The following DZIP1 variants were observed in gnomAD, a reference collection of about 807,000 sequenced individuals.
DZIP1 encodes the protein cilium assembly protein DZIP1.
Under a neutral mutation model 107.6 loss-of-function variants are expected in DZIP1, and 97 were observed. The ratio of observed to expected loss-of-function variants is 0.90; its 90% CI spans 0.77 to 1.07. The LOEUF is 1.07. DZIP1 is among the 50% of genes least tolerant of loss of function. The pLI, the probability that DZIP1 is intolerant of heterozygous loss-of-function variation, is 0.00. For synonymous variants in DZIP1, 390 were observed against 386.4 expected, an observed-to-expected ratio of 1.01 and a Z score of -0.11; for missense variants, 1,035 against 1,063.6, an observed-to-expected ratio of 0.97 and a Z score of 0.37.
chr13:95,610,111 T>TGTGTGAGAGA (rs368276400), intron 12 of DZIP1, among the ~76,000 whole-genome samples: 10 of 126,768 alleles, frequency 7.9e-5, no homozygotes, highest in East Asian at 6.7e-4. Context: ...TGTGTGTGTG[T>TGTGTGAGAGA]GAGAGAGAGA....
chr13:95,619,508 T>C (rs1373738109), intron 10 of DZIP1, among the ~76,000 whole-genome samples: 1 of 152,226 alleles, frequency 6.6e-6, no homozygotes, highest in African/African-American at 2.4e-5. Context: ...TGGTTAATGA[T>C]ACCAATGCAT....
At chr13:95,606,152 C>G in intron 13 of DZIP1, 93 bp from the exon 14 acceptor site, 2 of 1,148,750 alleles carry the variant, frequency 1.7e-6, no homozygotes, top group Non-Finnish European at 2.6e-6. Context: ...GCAAACTAGT[C>G]AAGATACATA....
chr13:95,600,590 T>TGATAGATAGATAGATAGATA (rs1555306564), intron 14 of DZIP1, among the ~76,000 whole-genome samples: 1 of 141,674 alleles, frequency 7.1e-6, no homozygotes, highest in African/African-American at 2.7e-5. Flanking sequence ...GATAGATAGA[T>TGATAGATAGATAGATAGATA]GATAGATAGA....
At chr13:95,638,582 A>G (rs1878098121) in intron 5 of DZIP1, among the ~76,000 whole-genome samples, 1 of 152,120 alleles carries the variant, frequency 6.6e-6, no homozygotes, top group South Asian at 2.1e-4. Context: ...TTTTTTAAAT[A>G]AAATATTGAG....
chr13:95,587,851 T>G, intron 19 of DZIP1, 122 bp from the exon 20 acceptor site: 1 of 1,254,108 alleles, frequency 8.0e-7, no homozygotes, highest in Non-Finnish European at 1.1e-6. Flanking sequence ...TGGGCACAAG[T>G]GCCTTTGGGG....
chr13:95,589,162 T>C lies in DZIP1; in HGVS notation c.2019A>G (p.Ser673=). Reference sequence around the variant, plus strand: ...TCCCTGTCAATACTCACGTAATAGTTGAAGACTTTCTGGGAAAAGGATCTT... The same window carrying C: ...TCCCTGTCAATACTCACGTAATAGTCGAAGACTTTCTGGGAAAAGGATCTT... ...VMEDPFPRKS[S]TITTPPFSSE... The change falls in exon 19 of 23, where the codon TCA becomes TCG. Residue 673 remains serine (S), a synonymous_variant. Coordinates refer to ENST00000376829, the MANE Select transcript of DZIP1 (RefSeq NM_198968.4). 6.2e-7 allele frequency: 1 copy of C among 1,607,228 alleles called. No homozygotes were observed.
At chr13:95,609,053 A>G (rs986979719) in intron 13 of DZIP1, among the ~76,000 whole-genome samples, 1 of 152,252 alleles carries the variant, frequency 6.6e-6, no homozygotes, top group Non-Finnish European at 1.5e-5. Flanking sequence ...GGCTGACCAC[A>G]AGTGGGGACA....
chr13:95,583,988 T>C (rs2044076644), intron 22 of DZIP1, among the ~76,000 whole-genome samples: 2 of 151,452 alleles, frequency 1.3e-5, no homozygotes, highest in African/African-American at 4.8e-5. Context: ...TAATAATAAA[T>C]TTTTTTTGAG....
intron 22 of DZIP1, 96 bp downstream of exon 22, chr13:95,584,640 T>A (rs2044106255): frequency 9.4e-6 from 14 of 1,495,784 alleles, no homozygotes; most frequent in Non-Finnish European, 1.2e-5. Context: ...TTTTGTCTGA[T>A]GATATACCAG....
In DZIP1 at chr13:95,589,931, A is replaced by G; in HGVS notation, c.1845T>C (p.Asp615=). 6.2e-7 allele frequency: 1 copy of G among 1,613,204 alleles called. No homozygotes were observed. The highest frequency in any genetic ancestry group is 8.5e-7 in the Non-Finnish European group (1 of 1,179,724). Residue 615 remains aspartate, a splice_region_variant and synonymous_variant, in exon 18 of 23, where the codon GAT becomes GAC. Transcript: ENST00000376829. ...KIEEKALLSS[D]QCSVSQMDTL... The stretch of plus-strand genomic sequence containing the variant: ...TATCCATTTGAGAAACACTGCACTG[A>G]TCTGGAATATAGTGTCATTCATGAG...
chr13:95,589,102 G>A, intron 19 of DZIP1, 52 bp downstream of exon 19: 1 of 1,411,374 alleles, frequency 7.1e-7, no homozygotes, highest in Admixed American at 1.8e-5. Context: ...TGAAAGGAAT[G>A]TTCAGTGAAA....
chr13:95,597,832 T>C (rs1049272981), intron 15 of DZIP1, among the ~76,000 whole-genome samples: 2 of 152,210 alleles, frequency 1.3e-5, no homozygotes, highest in Non-Finnish European at 2.9e-5. Flanking sequence ...TGTGTAGAGA[T>C]TGCACTACAA....
At chr13:95,639,151 A>T (rs953208580) in intron 5 of DZIP1, among the ~76,000 whole-genome samples, 9 of 152,220 alleles carry the variant, frequency 5.9e-5, no homozygotes, top group African/African-American at 1.9e-4. Context: ...AGGTACAATT[A>T]ATATTCCCAT....
chr13:95,624,685 C>T, intron 8 of DZIP1, 83 bp downstream of exon 8: 1 of 1,235,534 alleles, frequency 8.1e-7, no homozygotes, highest in Non-Finnish European at 1.1e-6. Flanking sequence ...AAAGTAACTG[C>T]TGGATCCCCT....
intron 5 of DZIP1, among the ~76,000 whole-genome samples, chr13:95,638,283 TTATA>T (rs1447502942): frequency 6.6e-6 from 1 of 151,888 alleles, no homozygotes; most frequent in Non-Finnish European, 1.5e-5. Context: ...AGAGATGGGG[TTATA>T]CCATGTTGGC....
intron 7 of DZIP1, 125 bp from the exon 8 acceptor site, chr13:95,625,054 G>T: frequency 1.2e-6 from 1 of 830,278 alleles, no homozygotes; most frequent in Non-Finnish European, 1.8e-6. Flanking sequence ...AGTGAGGCTT[G>T]TAACAACATT....
At position 95,639,493 on chromosome 13, in the gene DZIP1, A is replaced by T. The variant is rs1594746613; in HGVS notation, c.597+1802T>A. On this transcript the variant is annotated intron_variant, in intron 5 of 22. Coordinates refer to ENST00000376829, the MANE Select transcript of DZIP1 (RefSeq NM_198968.4). ...GTAGTCCCAGCTACTCAAGAAGCTG[A>T]GGTGGGAAAATCGCTTGAACGCGGG... Among the ~76,000 whole-genome samples the T allele has an allele frequency of 4.0e-5, 6 of 150,488 alleles. No homozygotes were observed. In the South Asian group the frequency reaches 1.3e-3, roughly 32 times the overall value.
At chr13:95,623,211 A>G (rs1876116814) in intron 8 of DZIP1, among the ~76,000 whole-genome samples, 4 of 152,166 alleles carry the variant, frequency 2.6e-5, no homozygotes, top group Admixed American at 2.0e-4. Context: ...TTCTTTTCAT[A>G]TTATTCCCAA....
chr13:95,633,353 C>G, intron 5 of DZIP1, 32 bp from the exon 6 acceptor site: 1 of 1,570,384 alleles, frequency 6.4e-7, no homozygotes, highest in South Asian at 1.1e-5. Flanking sequence ...ATCCAAGTGT[C>G]TGTAACGACT....
Sources: gnomAD v4.1 joint callset for allele counts (sites outside exome capture counted in the v4.1 genomes callset) on GRCh38, gnomAD v4.1.1 for gene constraint, MANE v1.5 for transcripts, NCBI Gene and HGNC (gene_info 2026-07-23, HGNC 2026-07-21) for gene names.